Variants in AGPS observed in about 807,000 individuals in gnomAD.
AGPS encodes alkyldihydroxyacetonephosphate synthase, peroxisomal.
Under a neutral mutation model 90.7 loss-of-function variants are expected in AGPS, and 26 were observed. The observed-to-expected ratio is 0.29, with a 90% CI of 0.21 to 0.40. The LOEUF (loss-of-function observed/expected upper bound fraction) is 0.40, where lower values mean the gene tolerates loss of function less well. AGPS is among the 10% of genes least tolerant of loss of function. The pLI is 1.00. For synonymous variants in AGPS, 294 were observed against 285.3 expected (o/e 1.03, Z -0.31); for missense variants, 540 against 816.1 (o/e 0.66, Z 4.12).
At chr2:177,433,175 G>T (rs955577641) in intron 2 of AGPS, among the ~76,000 whole-genome samples, 2 of 152,160 alleles carry the variant, frequency 1.3e-5, no homozygotes, top group Non-Finnish European at 2.9e-5. Flanking sequence ...AATATATAAA[G>T]ATTTCTTACA....
At position 177,540,233 on chromosome 2, in the gene AGPS, A is replaced by G. The variant is rs1012891835; in HGVS notation, c.*2038A>G. 6.6e-6 allele frequency: 1 copy of G among 151,872 alleles called. No homozygotes were observed. The highest frequency in any genetic ancestry group is 1.5e-5 in the Non-Finnish European group (1 of 67,896). The allele number at this position is 151,872 out of a possible 1,614,324, so 9.4% of individuals were successfully genotyped here. Reference sequence around the variant, plus strand: ...AGAAATCCATACTTGATATTAGGAAACTGTAAATGTAACACCTGAAATTAT... The same window carrying G: ...AGAAATCCATACTTGATATTAGGAAGCTGTAAATGTAACACCTGAAATTAT... On this transcript the variant is annotated 3_prime_UTR_variant, in exon 20 of 20. Coordinates refer to ENST00000264167, the MANE Select transcript of AGPS (RefSeq NM_003659.4).
At chr2:177,451,863 C>T (rs1250605539) in intron 8 of AGPS, among the ~76,000 whole-genome samples, 4 of 152,046 alleles carry the variant, frequency 2.6e-5, no homozygotes, top group Non-Finnish European at 5.9e-5. Context: ...TAGTGACATG[C>T]CACCAATTTT....
chr2:177,486,616 A>T (rs1365530060), intron 11 of AGPS, among the ~76,000 whole-genome samples: 1 of 150,502 alleles, frequency 6.6e-6, no homozygotes, highest in African/African-American at 2.4e-5. Flanking sequence ...TAGCACTTCC[A>T]TCTTTGCAAT....
At position 177,539,599 on chromosome 2, in the gene AGPS, C is replaced by T. The variant is rs1186315249; in HGVS notation, c.*1404C>T. On this transcript the variant is annotated 3_prime_UTR_variant, in exon 20 of 20. Transcript: ENST00000264167. The stretch of plus-strand genomic sequence containing the variant: ...GATGCATTGTCTGTGTATGTAGCAA[C>T]AGCTCCAAAGTATTTTTGGGCAGTT... 2 of 151,978 alleles carry T rather than the reference C, an allele frequency of 1.3e-5. No homozygotes were observed. Among genetic ancestry groups the T allele is most frequent in the African/African-American group, 4.8e-5 (2 of 41,430 alleles). 9.4% of individuals were successfully genotyped at this position (151,978 alleles called of 1,614,324 possible).
At chr2:177,404,357 T>A (rs1177106345) in intron 1 of AGPS, among the ~76,000 whole-genome samples, 3 of 152,168 alleles carry the variant, frequency 2.0e-5, no homozygotes, top group Non-Finnish European at 4.4e-5. Context: ...CAGTAAATAA[T>A]GTACATTCCG....
intron 1 of AGPS, 28 bp downstream of exon 1, chr2:177,393,077 G>A (rs1685067942): frequency 4.5e-6 from 7 of 1,550,362 alleles, no homozygotes; most frequent in Non-Finnish European, 6.1e-6. Flanking sequence ...GAAGGAGTTA[G>A]CGTCGAGGGA....
At chr2:177,529,425 G>A (rs1248986677) in intron 19 of AGPS, among the ~76,000 whole-genome samples, 2 of 152,012 alleles carry the variant, frequency 1.3e-5, no homozygotes, top group African/African-American at 4.8e-5. Context: ...AGCTGGCATC[G>A]CACCACTGCA....
intron 1 of AGPS, among the ~76,000 whole-genome samples, chr2:177,394,233 G>A (rs1395802554): frequency 1.3e-5 from 2 of 152,170 alleles, no homozygotes; most frequent in South Asian, 4.1e-4. Context: ...TAGCTTAGTA[G>A]GTAAAATTAT....
chr2:177,396,517 A>T (rs1685178123), intron 1 of AGPS, among the ~76,000 whole-genome samples: 2 of 152,196 alleles, frequency 1.3e-5, no homozygotes, highest in South Asian at 4.1e-4. Flanking sequence ...AGCTGGGAAG[A>T]GACATGATCA....
At chr2:177,433,402 T>C (rs1241410832) in intron 2 of AGPS, among the ~76,000 whole-genome samples, 2 of 152,256 alleles carry the variant, frequency 1.3e-5, no homozygotes, top group African/African-American at 4.8e-5. Flanking sequence ...TAGTTTTTTA[T>C]TTCTCTGCTA....
At chr2:177,512,634 A>G (rs1688908597) in intron 16 of AGPS, among the ~76,000 whole-genome samples, 1 of 152,176 alleles carries the variant, frequency 6.6e-6, no homozygotes. Context: ...GTATCATTTC[A>G]AGTCTCATGA....
At chr2:177,490,291 CAGG>C (rs1688213873) in intron 11 of AGPS, among the ~76,000 whole-genome samples, 1 of 152,008 alleles carries the variant, frequency 6.6e-6, no homozygotes, top group African/African-American at 2.4e-5. Context: ...TATCAATTAC[CAGG>C]AGATCATAAA....
At chr2:177,517,975 C>A (rs1475978477) in intron 17 of AGPS, among the ~76,000 whole-genome samples, 1 of 152,080 alleles carries the variant, frequency 6.6e-6, no homozygotes, top group Non-Finnish European at 1.5e-5. Flanking sequence ...AGCAAGATTA[C>A]CTCAGAAGTG....
chr2:177,422,491 C>A (rs183690135), intron 2 of AGPS, among the ~76,000 whole-genome samples: 96 of 152,166 alleles, frequency 6.3e-4, no homozygotes, highest in Admixed American at 6.3e-3. Context: ...AGTCAGAGTC[C>A]AGTGGGGGAG....
At chr2:177,428,966 TCA>T (rs1686158990) in intron 2 of AGPS, among the ~76,000 whole-genome samples, 1 of 152,176 alleles carries the variant, frequency 6.6e-6, no homozygotes, top group African/African-American at 2.4e-5. Flanking sequence ...AGTCATAGGT[TCA>T]GTCTTTTTTA....
chr2:177,521,502 A>G, intron 18 of AGPS, 134 bp downstream of exon 18: 1 of 782,028 alleles, frequency 1.3e-6, no homozygotes, highest in East Asian at 2.7e-5. Flanking sequence ...CTTAGAAATG[A>G]AAAGCATATT....
chr2:177,418,853 G>T (rs1234320726), intron 1 of AGPS, among the ~76,000 whole-genome samples: 1 of 151,450 alleles, frequency 6.6e-6, no homozygotes, highest in African/African-American at 2.4e-5. Flanking sequence ...AACATTAGTC[G>T]TGATGTTTCT....
intron 19 of AGPS, among the ~76,000 whole-genome samples, chr2:177,535,994 A>T (rs1559088408): frequency 6.6e-6 from 1 of 151,926 alleles, no homozygotes; most frequent in Non-Finnish European, 1.5e-5. Flanking sequence ...GACAAGATAG[A>T]TGTGTAAATT....
intron 3 of AGPS, among the ~76,000 whole-genome samples, chr2:177,435,927 C>T (rs1289324703): frequency 6.6e-6 from 1 of 152,062 alleles, no homozygotes; most frequent in Non-Finnish European, 1.5e-5. Flanking sequence ...GAAGCCAAGG[C>T]TCACAGAAGT....
Sources: gnomAD v4.1 joint callset for allele counts (sites outside exome capture counted in the v4.1 genomes callset) on GRCh38, gnomAD v4.1.1 for gene constraint, MANE v1.5 for transcripts, NCBI Gene and HGNC (gene_info 2026-07-23, HGNC 2026-07-21) for gene names.